Variants in NEMP1 observed in about 807,000 individuals in gnomAD.
NEMP1 encodes the protein transmembrane protein 194.
Under a neutral mutation model 53.7 loss-of-function variants are expected in NEMP1, and 29 were observed. The observed-to-expected ratio is 0.54, with a 90% CI of 0.40 to 0.74. NEMP1 has a LOEUF of 0.74. Among genes scored for constraint, NEMP1 ranks in the 30% least tolerant of loss-of-function variants. The pLI is 0.00. For synonymous variants in NEMP1, 193 were observed against 192.9 expected, an observed-to-expected ratio of 1.00 and a Z score of 0.00; for missense variants, 477 against 528.6, an observed-to-expected ratio of 0.90 and a Z score of 0.96.
chr12:57,084,152 G>A (rs1343993773), intron 1 of NEMP1, among the ~76,000 whole-genome samples: 3 of 152,154 alleles, frequency 2.0e-5, no homozygotes, highest in Non-Finnish European at 4.4e-5. Context: ...TAGTAGAGAC[G>A]GGGTTTCGCT....
At position 57,064,662 on chromosome 12, in the gene NEMP1, G is replaced by A; in HGVS notation, c.623C>T (p.Ser208Phe). 1.2e-6 allele frequency: 2 copies of A among 1,611,698 alleles called. No individual in the cohort carries two copies. Among genetic ancestry groups the A allele is most frequent in the Non-Finnish European group, 1.7e-6 (2 of 1,178,514 alleles). ...ASLLIIIFILSKFMPKKSPIY... is the reference protein window; with the variant it reads ...ASLLIIIFILFKFMPKKSPIY... ...GATACTTACCTTAGGCATAAACTTA[G>A]ATAGTATAAAAATGATGATTAGCAG... The change falls in exon 5 of 9, where the codon TCT becomes TTT. Residue 208 changes from serine to phenylalanine, a missense_variant. Physicochemically the swap from Ser to Phe is radical, Grantham distance 155. Transcript: ENST00000300128.
chr12:57,077,042 G>T (rs1172190350), intron 1 of NEMP1, among the ~76,000 whole-genome samples: 1 of 151,956 alleles, frequency 6.6e-6, no homozygotes, highest in Non-Finnish European at 1.5e-5. Context: ...CATTTACAAA[G>T]AATTTTAAGG....
In NEMP1 at chr12:57,061,413, G is replaced by C. The variant is rs1211861361; in HGVS notation, c.981-468C>G. On this transcript the variant is annotated intron_variant, in intron 7 of 8. Transcript: ENST00000300128. The stretch of plus-strand genomic sequence containing the variant: ...ATCATGGTATAAGACTGTGGTTCTA[G>C]CCAGGCACAGTGGCTCACGCCTATA... Among the ~76,000 whole-genome samples, 3 of 152,288 alleles carry C rather than the reference G, an allele frequency of 2.0e-5. No homozygotes were observed. The East Asian group carries it at 5.8e-4, about 29-fold the overall frequency.
At chr12:57,070,988 CA>C in intron 2 of NEMP1, 95 bp from the exon 3 acceptor site, 3 of 967,528 alleles carry the variant, frequency 3.1e-6, no homozygotes, top group Non-Finnish European at 4.6e-6. Flanking sequence ...GACTAACAAC[CA>C]AATCAGTAAT....
In NEMP1 at chr12:57,063,289, G is replaced by A; in HGVS notation, c.810C>T (p.Pro270=). 2 of 1,614,164 alleles carry A rather than the reference G, an allele frequency of 1.2e-6. No individual in the cohort carries two copies. Among genetic ancestry groups the A allele is most frequent in the Non-Finnish European group, 1.7e-6 (2 of 1,180,030 alleles). The change falls in exon 7 of 9, where the codon CCC becomes CCT. Residue 270 remains proline (P), a synonymous_variant. Coordinates refer to ENST00000300128, the MANE Select transcript of NEMP1 (RefSeq NM_001130963.2). ...MSFAVCYKYG[P]LENERSINLL... ...GGTTGATACTTCGTTCATTCTCCAAGGGCCCATACTTGTAACATACTGCAA... is the reference window on the plus strand; with the variant it reads ...GGTTGATACTTCGTTCATTCTCCAAAGGCCCATACTTGTAACATACTGCAA...
intron 5 of NEMP1, 95 bp downstream of exon 5, chr12:57,064,551 C>G: frequency 1.1e-6 from 1 of 881,254 alleles, no homozygotes; most frequent in South Asian, 1.7e-5. Context: ...CATCAGCCAT[C>G]AATACACATT....
At chr12:57,088,593 C>T (rs1484633541), upstream of NEMP1, among the ~76,000 whole-genome samples, 1 of 152,174 alleles carries the variant, frequency 6.6e-6, no homozygotes, top group African/African-American at 2.4e-5. Flanking sequence ...CGCGTGTGCA[C>T]GTCCGTGCGC....
chr12:57,069,773 ACT>A (rs1018212413), intron 3 of NEMP1, among the ~76,000 whole-genome samples: 8 of 150,884 alleles, frequency 5.3e-5, no homozygotes, highest in African/African-American at 2.0e-4. Context: ...GCTACAGAAC[ACT>A]GTGCTGGAAA....
chr12:57,067,622 T>A (rs1332076638), intron 4 of NEMP1, among the ~76,000 whole-genome samples: 1 of 152,190 alleles, frequency 6.6e-6, no homozygotes, highest in Non-Finnish European at 1.5e-5. Flanking sequence ...AATAAAGTGA[T>A]GTGTGACTAT....
rs2031500929 is a variant in NEMP1, at chr12:57,055,918, A to AT, written c.*3960dup. On this transcript the variant is annotated 3_prime_UTR_variant, in exon 9 of 9. Coordinates refer to ENST00000300128, the MANE Select transcript of NEMP1 (RefSeq NM_001130963.2). The stretch of plus-strand genomic sequence containing the variant: ...AATATCAATTCCACAAACATGGAAA[A>AT]TTATGGTAACTGCAGGCTGTAACAG... The AT allele has an allele frequency of 6.6e-6, 1 of 152,258 alleles. No homozygotes were observed. Among genetic ancestry groups the AT allele is most frequent in the South Asian group, 2.1e-4 (1 of 4,836 alleles). 9.4% of individuals were successfully genotyped at this position (152,258 alleles called of 1,614,324 possible).
chr12:57,072,989 C>A, intron 1 of NEMP1, 77 bp from the exon 2 acceptor site: 1 of 1,346,990 alleles, frequency 7.4e-7, no homozygotes, highest in Admixed American at 2.6e-5. Context: ...AAAGATTAAA[C>A]TAACCATTTT....
rs1419403060 is a variant in NEMP1 at position 57,070,713 on chromosome 12, T to TA, written c.432dup (p.Ile145TyrfsTer16). ...ACACTGTACTTGGTGTCCTTCTCTA[T>TA]AATCTCAACTTTGAGGCAGGTTTTT... On this transcript the variant is annotated frameshift_variant, in exon 3 of 9. Coordinates refer to ENST00000300128, the MANE Select transcript of NEMP1 (RefSeq NM_001130963.2). LOFTEE classifies it high-confidence loss of function. 9.0e-6 allele frequency: 14 copies of TA among 1,560,570 alleles called. No individual in the cohort carries two copies. The highest frequency in any genetic ancestry group is 1.1e-5 in the Non-Finnish European group (13 of 1,151,336).
chr12:57,078,716 C>A lies in NEMP1; in HGVS notation c.30G>T (p.Ser10=), dbSNP rs1382258638. The A allele has an allele frequency of 1.9e-6, 3 of 1,612,488 alleles. No individual in the cohort carries two copies. The highest frequency in any genetic ancestry group is 1.7e-5 in the Admixed American group (1 of 59,926). MAGGMKVAV[S]PAVGPGPWGS... is the part of the protein sequence containing the mutation. ...CCCAGGGCCCGGGACCAACTGCCGG[C>A]GAGACCGCCACTTTCATTCCTCCCG... Residue 10 remains serine (S), a synonymous_variant, in exon 1 of 9, where the codon TCG becomes TCT. Transcript: ENST00000300128.
chr12:57,067,962 G>T (rs578238917), intron 4 of NEMP1, among the ~76,000 whole-genome samples: 1 of 151,908 alleles, frequency 6.6e-6, no homozygotes, highest in Admixed American at 6.6e-5. Flanking sequence ...GTAGAGGCAG[G>T]GTCTCACTAT....
Position 57,059,402 on chromosome 12 carries a change from T to C in NEMP1, c.*477A>G, listed in dbSNP as rs1218786632. On this transcript the variant is annotated 3_prime_UTR_variant, in exon 9 of 9. Coordinates refer to ENST00000300128, the MANE Select transcript of NEMP1 (RefSeq NM_001130963.2). Reference sequence around the variant, plus strand: ...TTTCCTCCCAAAACAGTTAAATCAATAATTATTCTAAAGTCACTGAAATAA... The same window carrying C: ...TTTCCTCCCAAAACAGTTAAATCAACAATTATTCTAAAGTCACTGAAATAA... 1 of 152,492 alleles carries C rather than the reference T, an allele frequency of 6.6e-6. No homozygotes were observed. The highest frequency in any genetic ancestry group is 1.5e-5 in the Non-Finnish European group (1 of 68,234). 9.4% of individuals were successfully genotyped at this position (152,492 alleles called of 1,614,324 possible). A position where few individuals can be genotyped will look rare whatever the true frequency, so the allele number is the denominator to read the frequency against.
chr12:57,073,091 G>A (rs913453154), intron 1 of NEMP1, among the ~76,000 whole-genome samples, 179 bp from the exon 2 acceptor site: 1 of 151,780 alleles, frequency 6.6e-6, no homozygotes, highest in Non-Finnish European at 1.5e-5. Flanking sequence ...TATTTCTGTC[G>A]TTTAATTATT....
At chr12:57,082,934 T>G (rs1451940888), upstream of NEMP1, among the ~76,000 whole-genome samples, 1 of 151,802 alleles carries the variant, frequency 6.6e-6, no homozygotes, top group Non-Finnish European at 1.5e-5. Context: ...CGTGGGAGAA[T>G]CACCTGAGCC....
Position 57,071,963 on chromosome 12 carries a change from A to G in NEMP1, c.252+825T>C, listed in dbSNP as rs371188258. Among the ~76,000 whole-genome samples, 6 of 152,366 alleles carry G rather than the reference A, an allele frequency of 3.9e-5. No homozygotes were observed. The East Asian group carries it at 1.2e-3, about 29-fold the overall frequency. ...TGTACAATCACTGTTACAGCCAGAC[A>G]TTCCTGTTTGCCAGGTGACTTAACA... On this transcript the variant is annotated intron_variant, in intron 2 of 8. Coordinates refer to ENST00000300128, the MANE Select transcript of NEMP1 (RefSeq NM_001130963.2).
upstream of NEMP1, among the ~76,000 whole-genome samples, chr12:57,081,241 C>A (rs1280318121): frequency 2.0e-5 from 3 of 152,064 alleles, no homozygotes; most frequent in Non-Finnish European, 4.4e-5. Flanking sequence ...TCATTATGGG[C>A]TTTTTTGTTT....
Sources: gnomAD v4.1 joint callset for allele counts (sites outside exome capture counted in the v4.1 genomes callset) on GRCh38, gnomAD v4.1.1 for gene constraint, MANE v1.5 for transcripts, NCBI Gene and HGNC (gene_info 2026-07-23, HGNC 2026-07-21) for gene names.